The following DGKH variants were observed in gnomAD, a reference collection of about 807,000 sequenced individuals.
DGKH encodes the protein diacylglycerol kinase eta.
Under a neutral mutation model 159.3 loss-of-function variants are expected in DGKH, and 90 were observed. The ratio of observed to expected loss-of-function variants is 0.57; its 90% CI spans 0.48 to 0.67. The LOEUF is 0.67. DGKH is among the 30% of genes least tolerant of loss of function. The pLI, the probability that DGKH is intolerant of heterozygous loss-of-function variation, is 0.00. For synonymous variants in DGKH, 536 were observed against 553.8 expected, an observed-to-expected ratio of 0.97 and a Z score of 0.45; for missense variants, 1,181 against 1,506.1, an observed-to-expected ratio of 0.78 and a Z score of 3.57.
chr13:42,061,761 A>G lies in DGKH; in HGVS notation c.192+12796A>G, dbSNP rs116679299. On this transcript the variant is annotated intron_variant, in intron 1 of 29. Transcript: ENST00000337343. ...CTAAATTAGTCTTTTCTAATTTGATACTAAATGACCTTTCTATTCATTCAA... is the reference window on the plus strand; with the variant it reads ...CTAAATTAGTCTTTTCTAATTTGATGCTAAATGACCTTTCTATTCATTCAA... Among the ~76,000 whole-genome samples the G allele has an allele frequency of 3.8e-3, 576 of 152,354 alleles. 4 individuals are homozygous for G. Among genetic ancestry groups the G allele is most frequent in the African/African-American group, 0.013 (555 of 41,582 alleles).
chr13:42,190,023 C>T (rs1187650334), intron 15 of DGKH, among the ~76,000 whole-genome samples: 2 of 152,108 alleles, frequency 1.3e-5, no homozygotes, highest in African/African-American at 4.8e-5. Context: ...TTATTAAGAG[C>T]TTATAAAAGC....
At chr13:42,070,603 T>A in intron 1 of DGKH, 1 of 1,604,250 alleles carries the variant, frequency 6.2e-7, no homozygotes, top group Non-Finnish European at 8.5e-7. Context: ...CAGCACCAAG[T>A]CTTCAGTATT....
chr13:42,076,597 C>A (rs1170183), intron 1 of DGKH, among the ~76,000 whole-genome samples: 114,643 of 152,048 alleles, frequency 0.75, 43,865 homozygotes, highest in African/African-American at 0.89. Flanking sequence ...TAGGTTAACC[C>A]CTTTTTGTCT....
intron 1 of DGKH, among the ~76,000 whole-genome samples, chr13:42,053,585 TAA>T: frequency 2.1e-5 from 2 of 97,514 alleles, no homozygotes; most frequent in Non-Finnish European, 2.1e-5. Context: ...TGTATATATA[TAA>T]CTATATATAT....
chr13:42,256,532 T>TA lies in DGKH; in HGVS notation n.4376_4377insA. 5.1e-6 allele frequency: 4 copies of TA among 786,306 alleles called. 1 individual carries two copies. The South Asian group carries it at 5.6e-5, about 11-fold the overall frequency. 48.7% of individuals were successfully genotyped at this position (786,306 alleles called of 1,614,324 possible). A position where few individuals can be genotyped will look rare whatever the true frequency, so the allele number is the denominator to read the frequency against. Reference sequence around the variant, plus strand: ...AACTAAGGACATGCTGAGTCCAAAGTGATTTAAGTAAATTTATAATGAAAA... The same window carrying TA: ...AACTAAGGACATGCTGAGTCCAAAGTAGATTTAAGTAAATTTATAATGAAAA... On this transcript the variant is annotated non_coding_transcript_exon_variant, in exon 31 of 31. Transcript: ENST00000498255.
intron 1 of DGKH, among the ~76,000 whole-genome samples, chr13:42,094,405 T>A (rs1954481624): frequency 6.6e-6 from 1 of 152,124 alleles, no homozygotes; most frequent in South Asian, 2.1e-4. Flanking sequence ...TAAATATACA[T>A]TTTTTTCAAT....
intron 1 of DGKH, among the ~76,000 whole-genome samples, chr13:42,099,750 G>T (rs1053996482): frequency 6.6e-6 from 1 of 152,188 alleles, no homozygotes; most frequent in Admixed American, 6.5e-5. Context: ...ACTGAGTAGC[G>T]CGTGTGAAGG....
At chr13:42,211,213 G>A (rs537122231) in intron 24 of DGKH, among the ~76,000 whole-genome samples, 2 of 152,256 alleles carry the variant, frequency 1.3e-5, no homozygotes, top group South Asian at 2.1e-4. Flanking sequence ...TCAGAGGGGA[G>A]GAGGGACCAT....
chr13:42,160,592 G>C (rs888259968), intron 7 of DGKH, among the ~76,000 whole-genome samples: 1 of 152,164 alleles, frequency 6.6e-6, no homozygotes, highest in Non-Finnish European at 1.5e-5. Flanking sequence ...TGCCAGATAT[G>C]GTGAGGACAG....
At chr13:42,215,189 CTTAAA>C (rs747123700) in intron 25 of DGKH, among the ~76,000 whole-genome samples, 12 of 150,924 alleles carry the variant, frequency 8.0e-5, no homozygotes, top group African/African-American at 2.0e-4. Context: ...ATTGAAGTTA[CTTAAA>C]TTAATATACA....
rs575570709 is a variant in DGKH, at chr13:42,093,408, A to T, written c.193-34055A>T. Among the ~76,000 whole-genome samples, 13 of 152,302 alleles carry T rather than the reference A, an allele frequency of 8.5e-5. No homozygotes were observed. In the South Asian group the frequency reaches 2.7e-3, roughly 32 times the overall value. The stretch of plus-strand genomic sequence containing the variant: ...TGTAGAGAAAGTGGGACCCTTCTGC[A>T]CTGACGTATAATTGTGTAGCCATGG... On this transcript the variant is annotated intron_variant, in intron 1 of 29. Coordinates refer to ENST00000337343, the MANE Select transcript of DGKH (RefSeq NM_178009.5).
chr13:42,195,037 T>C (rs759266213), intron 17 of DGKH, 21 bp downstream of exon 17: 1 of 1,605,550 alleles, frequency 6.2e-7, no homozygotes, highest in Non-Finnish European at 8.5e-7. Flanking sequence ...TTCTGAAACA[T>C]CGTGTATTTT....
At chr13:42,094,234 G>C (rs1052758899) in intron 1 of DGKH, among the ~76,000 whole-genome samples, 1 of 152,000 alleles carries the variant, frequency 6.6e-6, no homozygotes, top group Admixed American at 6.5e-5. Flanking sequence ...AAACCTGCAC[G>C]TTGTGCACCT....
chr13:42,083,520 G>A (rs1243085108), intron 1 of DGKH, among the ~76,000 whole-genome samples: 1 of 152,230 alleles, frequency 6.6e-6, no homozygotes, highest in Admixed American at 6.5e-5. Flanking sequence ...AGTTCTGGCG[G>A]GGTTCCTGGC....
intron 17 of DGKH, among the ~76,000 whole-genome samples, chr13:42,196,631 A>G (rs191596252): frequency 6.6e-6 from 1 of 152,206 alleles, no homozygotes; most frequent in African/African-American, 2.4e-5. Flanking sequence ...GAGGTGATCG[A>G]CGGAATGGAA....
rs1195920088 is a variant in DGKH at position 42,240,700 on chromosome 13, A to T, written c.*11512A>T. 6.6e-6 allele frequency: 1 copy of T among 152,238 alleles called. No individual in the cohort carries two copies. The highest frequency in any genetic ancestry group is 6.5e-5 in the Admixed American group (1 of 15,282). 9.4% of individuals were successfully genotyped at this position (152,238 alleles called of 1,614,324 possible). A position where few individuals can be genotyped will look rare whatever the true frequency, so the allele number is the denominator to read the frequency against. ...TCACCCTCTATAGAATATAAAGACT[A>T]AAAATAAAAACTATTACCTCTGGGC... On this transcript the variant is annotated 3_prime_UTR_variant, in exon 30 of 30. Transcript: ENST00000337343.
At position 42,073,462 on chromosome 13, in the gene DGKH, C is replaced by T. The variant is rs139458032; in HGVS notation, c.192+24497C>T. ...TTAGTGGAAAACATACTTTGAATGC[C>T]CATACAACTATTCTGTTTTTCACTT... is the stretch of plus-strand genomic sequence containing the variant. On this transcript the variant is annotated intron_variant, in intron 1 of 29. Coordinates refer to ENST00000337343, the MANE Select transcript of DGKH (RefSeq NM_178009.5). 2.2e-3 allele frequency among the ~76,000 whole-genome samples: 329 copies of T among 152,166 alleles called. 1 individual carries two copies. Among genetic ancestry groups the T allele is most frequent in the Admixed American group, 7.1e-3 (109 of 15,282 alleles).
chr13:42,187,223 T>C (rs1021080894), intron 14 of DGKH, 75 bp downstream of exon 14: 7 of 1,261,728 alleles, frequency 5.5e-6, no homozygotes, highest in Admixed American at 5.5e-5. Flanking sequence ...CAAAGCTAAA[T>C]TGATTAGGTG....
At chr13:42,228,621 GGAGA>G (rs1247790848) in intron 29 of DGKH, among the ~76,000 whole-genome samples, 1 of 147,286 alleles carries the variant, frequency 6.8e-6, no homozygotes, top group African/African-American at 2.6e-5. Flanking sequence ...AGAGAGAGAG[GGAGA>G]GAGAGAAGAA....
Sources: gnomAD v4.1 joint callset for allele counts (sites outside exome capture counted in the v4.1 genomes callset) on GRCh38, gnomAD v4.1.1 for gene constraint, MANE v1.5 for transcripts, NCBI Gene and HGNC (gene_info 2026-07-23, HGNC 2026-07-21) for gene names.